Variants in TNIK observed in about 807,000 individuals in gnomAD.
TNIK encodes the protein TRAF2 and NCK-interacting protein kinase.
In TNIK, 49 loss-of-function variants were observed where a neutral mutation model predicts 191.3. That is an observed-to-expected ratio of 0.26 (90% CI 0.20 to 0.32). The LOEUF is 0.32. Ranked by LOEUF, TNIK falls within the 10% of genes least tolerant of loss-of-function variation. The pLI is 1.00. For missense variants in TNIK, 1,155 were observed against 1,702.3 expected (o/e 0.68, Z 5.66); for synonymous variants, 594 against 600.9 (o/e 0.99, Z 0.17).
At chr3:171,343,034 T>C (rs980050679) in intron 2 of TNIK, among the ~76,000 whole-genome samples, 11 of 152,238 alleles carry the variant, frequency 7.2e-5, no homozygotes, top group Non-Finnish European at 1.2e-4. Flanking sequence ...CCCAGCCACA[T>C]GGAAGTGTGA....
intron 1 of TNIK, among the ~76,000 whole-genome samples, chr3:171,420,541 G>A (rs1486930776): frequency 1.3e-5 from 2 of 152,128 alleles, no homozygotes; most frequent in Non-Finnish European, 2.9e-5. Flanking sequence ...TCCTTTATCT[G>A]TAGAGAATAT....
chr3:171,443,623 G>T (rs917227856), intron 1 of TNIK, among the ~76,000 whole-genome samples: 7 of 151,620 alleles, frequency 4.6e-5, no homozygotes, highest in African/African-American at 1.7e-4. Flanking sequence ...TTGAGACCAC[G>T]CTGGGCAACA....
intron 26 of TNIK, among the ~76,000 whole-genome samples, chr3:171,083,132 C>T (rs2108370137): frequency 6.6e-6 from 1 of 152,222 alleles, no homozygotes; most frequent in South Asian, 2.1e-4. Flanking sequence ...ATGTATCATC[C>T]ACCCCTCAAC....
At chr3:171,153,996 G>A (rs1478582576) in intron 12 of TNIK, among the ~76,000 whole-genome samples, 1 of 152,150 alleles carries the variant, frequency 6.6e-6, no homozygotes, top group Non-Finnish European at 1.5e-5. Context: ...GTCTAACATG[G>A]TGCCCACACA....
In TNIK at chr3:171,460,394, A is replaced by G. The variant is rs1324670595; in HGVS notation, c.-331T>C. On this transcript the variant is annotated 5_prime_UTR_variant, in exon 1 of 33. It removes an upstream start codon present in the reference 5' UTR. Transcript: ENST00000436636. The surrounding 1 kb of genome is among the most constrained non-coding windows in gnomAD (Gnocchi z 6.8). ...TTGCTTGTGCGTGGATGGCGGCTGC[A>G]TTGGCTGTTATAATGAGACACATCA... The G allele has an allele frequency of 1.4e-5, 6 of 416,620 alleles. No individual in the cohort carries two copies. Among genetic ancestry groups the G allele is most frequent in the African/African-American group, 4.3e-5 (2 of 46,366 alleles). The allele number at this position is 416,620 out of a possible 1,614,324, so 25.8% of individuals were successfully genotyped here. A position where few individuals can be genotyped will look rare whatever the true frequency, so the allele number is the denominator to read the frequency against.
At chr3:171,125,877 C>A (rs2108570241) in intron 17 of TNIK, 35 bp downstream of exon 17, 1 of 1,608,460 alleles carries the variant, frequency 6.2e-7, no homozygotes, top group Non-Finnish European at 8.5e-7. Flanking sequence ...ATCAGTGATG[C>A]TGGTGATTAA....
intron 2 of TNIK, among the ~76,000 whole-genome samples, chr3:171,339,461 C>T (rs991042600): frequency 6.6e-6 from 1 of 152,210 alleles, no homozygotes; most frequent in Admixed American, 6.5e-5. Flanking sequence ...TGCCACTTCG[C>T]TTTTGTCAGT....
intron 20 of TNIK, among the ~76,000 whole-genome samples, chr3:171,107,652 A>G (rs959948143): frequency 1.3e-5 from 2 of 152,218 alleles, no homozygotes; most frequent in East Asian, 3.8e-4. Flanking sequence ...TGGAGGCATG[A>G]AAAATAGCAG....
chr3:171,347,064 G>A (rs1712325652), intron 2 of TNIK: 3 of 1,404,100 alleles, frequency 2.1e-6, no homozygotes, highest in Non-Finnish European at 2.8e-6. Flanking sequence ...CTAGGACAGT[G>A]GTGGCAGAGA....
At chr3:171,286,357 C>T (rs981082801) in intron 2 of TNIK, among the ~76,000 whole-genome samples, 3 of 152,192 alleles carry the variant, frequency 2.0e-5, no homozygotes, top group African/African-American at 7.2e-5. Context: ...TCAGGTATCT[C>T]TGGAAGAAGA....
At chr3:171,305,131 A>G (rs1753316245) in intron 2 of TNIK, among the ~76,000 whole-genome samples, 1 of 136,934 alleles carries the variant, frequency 7.3e-6, no homozygotes, top group Non-Finnish European at 1.6e-5. Flanking sequence ...CAGTGCTAAT[A>G]AACACTAGAT....
intron 3 of TNIK, among the ~76,000 whole-genome samples, chr3:171,217,461 A>G (rs1004158427): frequency 1.4e-4 from 22 of 152,130 alleles, no homozygotes; most frequent in Admixed American, 1.2e-3. Context: ...TACCTGGGTG[A>G]CAGAATCATT....
intron 2 of TNIK, among the ~76,000 whole-genome samples, chr3:171,296,711 G>A (rs1388041274): frequency 1.3e-5 from 2 of 152,142 alleles, no homozygotes; most frequent in Non-Finnish European, 2.9e-5. Flanking sequence ...AATTATTGAA[G>A]ATAAGTAAGG....
chr3:171,194,680 T>A (rs6773641), intron 4 of TNIK, 45 bp from the exon 5 acceptor site: 512,568 of 1,563,606 alleles, frequency 0.33, 87,750 homozygotes, highest in East Asian at 0.54. Flanking sequence ...GATGCTTCAC[T>A]GCTTCCATTA....
chr3:171,220,132 T>A (rs1267160617), intron 3 of TNIK, among the ~76,000 whole-genome samples: 5 of 152,068 alleles, frequency 3.3e-5, no homozygotes, highest in African/African-American at 7.2e-5. Context: ...CTCAGCAAAC[T>A]AACACAAGAA....
In TNIK at chr3:171,194,539, T is replaced by C; in HGVS notation, c.403A>G (p.Arg135Gly). The change falls in exon 5 of 33, where the codon AGG (arginine) becomes GGG (glycine). Residue 135 changes from arginine (R) to glycine (G), a missense_variant. Physicochemically the swap from Arg to Gly is moderately radical, Grantham distance 125. Around this residue, in one of 3 missense-constraint regions of TNIK, gnomAD observed 225 missense variants for 438.9 expected, o/e 0.51. Transcript: ENST00000436636. ...TCGTAACCTACCCGTAAGATTTCCC[T>C]GCAGATGTATGCAATCCACTCCTCT... is the stretch of plus-strand genomic sequence containing the variant. ...LKEEWIAYICREILRGLSHLH... is the reference protein window; with the variant it reads ...LKEEWIAYICGEILRGLSHLH... The C allele has an allele frequency of 6.2e-7, 1 of 1,613,878 alleles. No individual in the cohort carries two copies. The highest frequency in any genetic ancestry group is 1.1e-5 in the South Asian group (1 of 91,068).
At chr3:171,190,373 T>C (rs143062579) in intron 6 of TNIK, among the ~76,000 whole-genome samples, 149 of 152,320 alleles carry the variant, frequency 9.8e-4, no homozygotes, top group African/African-American at 3.5e-3. Context: ...TGCTCTGTTA[T>C]AGCAGCAACA....
rs1341159647 is a variant in TNIK at position 171,366,778 on chromosome 3, G to A, written c.123+2842C>T. Among the ~76,000 whole-genome samples the A allele has an allele frequency of 2.0e-5, 3 of 152,148 alleles. No individual in the cohort carries two copies. The highest frequency in any genetic ancestry group is 7.2e-5 in the African/African-American group (3 of 41,444). Reference sequence around the variant, plus strand: ...AATTTCGTCTTGAATTGTAGTTCCCGTAATCCCCATGTGTCATGGGAGAGA... The same window carrying A: ...AATTTCGTCTTGAATTGTAGTTCCCATAATCCCCATGTGTCATGGGAGAGA... On this transcript the variant is annotated intron_variant, in intron 2 of 32. Transcript: ENST00000436636. This position sits in a 1 kb window ranked among gnomAD's most constrained non-coding sequence, Gnocchi z 4.1.
At chr3:171,134,496 G>C (rs1332661746) in intron 15 of TNIK, among the ~76,000 whole-genome samples, 1 of 152,132 alleles carries the variant, frequency 6.6e-6, no homozygotes, top group Non-Finnish European at 1.5e-5. Context: ...TGCCCAGGCT[G>C]GTCTCTAACT....
Sources: gnomAD v4.1 joint callset for allele counts (sites outside exome capture counted in the v4.1 genomes callset) on GRCh38, gnomAD v4.1.1 for gene constraint, gnomAD v4.1.1 regional missense constraint, Gnocchi (gnomAD v3.1) non-coding constraint, MANE v1.5 for transcripts, NCBI Gene and HGNC (gene_info 2026-07-23, HGNC 2026-07-21) for gene names.